ATG7: variants seen among roughly 807,000 people sequenced by gnomAD.
ATG7 encodes the protein ubiquitin-like modifier-activating enzyme ATG7.
ATG7 carries 70 observed loss-of-function variants against 82.4 expected under a neutral mutation model. The observed-to-expected ratio is 0.85, with a 90% CI of 0.70 to 1.04. ATG7 has a LOEUF of 1.04. ATG7 is among the 50% of genes least tolerant of loss of function. The probability of loss-of-function intolerance (pLI) is 0.00; values close to 1 mark genes in which losing one functional copy is unlikely to be tolerated. For synonymous variants in ATG7, 287 were observed against 313.0 expected (o/e 0.92, Z 0.88); for missense variants, 792 against 864.3 (o/e 0.92, Z 1.05).
chr3:11,507,952 T>TAAA (rs34637587), intron 20 of ATG7, among the ~76,000 whole-genome samples: 1 of 148,058 alleles, frequency 6.8e-6, no homozygotes, highest in African/African-American at 2.5e-5. Flanking sequence ...TGCTGGTAAT[T>TAAA]AAAAAAAAAA....
intron 18 of ATG7, among the ~76,000 whole-genome samples, chr3:11,370,873 C>T (rs1195879933): frequency 2.7e-5 from 4 of 150,826 alleles, no homozygotes; most frequent in African/African-American, 9.8e-5. Flanking sequence ...TTTAATTCCT[C>T]TAGCCTCTTT....
At chr3:11,353,364 G>A (rs1415225187) in intron 14 of ATG7, among the ~76,000 whole-genome samples, 2 of 152,166 alleles carry the variant, frequency 1.3e-5, no homozygotes, top group African/African-American at 4.8e-5. Context: ...AGAATCATTT[G>A]AACTGAGAGG....
At chr3:11,373,414 G>A (rs150684939) in intron 18 of ATG7, among the ~76,000 whole-genome samples, 3 of 152,262 alleles carry the variant, frequency 2.0e-5, no homozygotes, top group East Asian at 1.9e-4. Flanking sequence ...AGCAAACCAC[G>A]GGAGGGTGTA....
rs1297098019 is a variant in ATG7, at chr3:11,372,841, CGTGCGT to C, written c.1876-7121_1876-7116del. Among the ~76,000 whole-genome samples the C allele has an allele frequency of 1.2e-3, 19 of 15,844 alleles. No individual in the cohort carries two copies. In the East Asian group the frequency reaches 0.13, roughly 108 times the overall value. The allele number at this position is 15,844 out of a possible 152,430, so 10.4% of individuals were successfully genotyped here. On this transcript the variant is annotated intron_variant, in intron 18 of 20. Transcript: ENST00000693202. The stretch of plus-strand genomic sequence containing the variant: ...GCGCGCGTGTGCGTGTGTGTGCGTG[CGTGCGT>C]GTGCGTGTGTGTGTGTGAAATCGGC...
At chr3:11,395,001 A>G (rs750018552) in intron 19 of ATG7, among the ~76,000 whole-genome samples, 1 of 152,212 alleles carries the variant, frequency 6.6e-6, no homozygotes, top group Non-Finnish European at 1.5e-5. Flanking sequence ...ACACTATGAA[A>G]TACTATTCTT....
At chr3:11,427,336 A>C (rs1235486081) in intron 20 of ATG7, among the ~76,000 whole-genome samples, 1 of 152,146 alleles carries the variant, frequency 6.6e-6, no homozygotes, top group Non-Finnish European at 1.5e-5. Flanking sequence ...CATGTTCTTC[A>C]GAAAGAACAT....
the ATG7 span, among the ~76,000 whole-genome samples, chr3:11,565,664 G>A: frequency 6.6e-6 from 1 of 152,190 alleles, no homozygotes; most frequent in Non-Finnish European, 1.5e-5. The surrounding 1 kb of genome is among the most constrained non-coding windows in gnomAD (Gnocchi z 4.1). Context: ...TCTCGTCCAG[G>A]ACACACGAGC....
chr3:11,558,632 G>T, downstream of ATG7: 1 of 1,609,922 alleles, frequency 6.2e-7, no homozygotes, highest in South Asian at 1.1e-5. Context: ...CCTGCGAGAG[G>T]CGGACTCAGG....
chr3:11,350,874 A>C (rs1393886407), intron 14 of ATG7, among the ~76,000 whole-genome samples: 1 of 149,298 alleles, frequency 6.7e-6, no homozygotes, highest in Non-Finnish European at 1.5e-5. Flanking sequence ...AGATCGCTTA[A>C]GGCCAGAAGT....
At chr3:11,507,847 C>A (rs548960135) in intron 20 of ATG7, among the ~76,000 whole-genome samples, 1 of 151,984 alleles carries the variant, frequency 6.6e-6, no homozygotes, top group Admixed American at 6.6e-5. Context: ...CTGGACCTGG[C>A]AGTTGCTCAC....
At chr3:11,529,676 C>T (rs112289302) in intron 20 of ATG7, 1 of 154,148 alleles carries the variant, frequency 6.5e-6, no homozygotes, top group African/African-American at 2.4e-5. Context: ...TGATTTTTTT[C>T]TCATAATTGA....
chr3:11,327,491 A>G (rs994202506), intron 9 of ATG7, among the ~76,000 whole-genome samples: 1 of 152,168 alleles, frequency 6.6e-6, no homozygotes, highest in African/African-American at 2.4e-5. Context: ...GAGTGTATGT[A>G]TGTGTGTGGA....
intron 20 of ATG7, among the ~76,000 whole-genome samples, chr3:11,540,216 G>A (rs1328390662): frequency 6.6e-6 from 1 of 152,242 alleles, no homozygotes; most frequent in Non-Finnish European, 1.5e-5. Context: ...CTTGGAAGCT[G>A]GTAGTCCTTT....
At chr3:11,407,694 C>G (rs1156708360) in intron 19 of ATG7, among the ~76,000 whole-genome samples, 1 of 152,222 alleles carries the variant, frequency 6.6e-6, no homozygotes, top group Non-Finnish European at 1.5e-5. Flanking sequence ...AGGCTCAAAA[C>G]CACGTGGAAG....
intron 20 of ATG7, among the ~76,000 whole-genome samples, chr3:11,480,700 C>G (rs902919479): frequency 1.7e-4 from 26 of 152,322 alleles, no homozygotes; most frequent in East Asian, 1.5e-3. Flanking sequence ...GAAAGCTTTG[C>G]TCACAAGGAC....
At chr3:11,418,425 A>T (rs985554325) in intron 19 of ATG7, among the ~76,000 whole-genome samples, 4 of 152,196 alleles carry the variant, frequency 2.6e-5, no homozygotes, top group African/African-American at 4.8e-5. Flanking sequence ...ACATATTTCA[A>T]TATGGCTTCT....
At chr3:11,401,258 T>G (rs1481108320) in intron 19 of ATG7, among the ~76,000 whole-genome samples, 1 of 152,240 alleles carries the variant, frequency 6.6e-6, no homozygotes, top group Non-Finnish European at 1.5e-5. Flanking sequence ...TTTTGTGCTT[T>G]GTGACTTTTT....
chr3:11,397,213 A>G (rs1332244563), intron 19 of ATG7, among the ~76,000 whole-genome samples: 1 of 152,214 alleles, frequency 6.6e-6, no homozygotes, highest in Non-Finnish European at 1.5e-5. Context: ...AATAAGATAT[A>G]AGAACATAAT....
intron 9 of ATG7, among the ~76,000 whole-genome samples, chr3:11,323,868 A>G (rs1403737342): frequency 6.6e-6 from 1 of 152,148 alleles, no homozygotes; most frequent in Non-Finnish European, 1.5e-5. Context: ...TCCTTTGTGC[A>G]TTTCCTGTTA....
Sources: gnomAD v4.1 joint callset for allele counts (sites outside exome capture counted in the v4.1 genomes callset) on GRCh38, gnomAD v4.1.1 for gene constraint, Gnocchi (gnomAD v3.1) non-coding constraint, MANE v1.5 for transcripts, NCBI Gene and HGNC (gene_info 2026-07-23, HGNC 2026-07-21) for gene names.